The following C2CD2 variants were observed in gnomAD, a reference collection of about 807,000 sequenced individuals.
The protein encoded by C2CD2 is C2 domain-containing protein 2.
C2CD2 carries 43 observed loss-of-function variants against 74.3 expected under a neutral mutation model. The observed-to-expected ratio is 0.58, with a 90% CI of 0.45 to 0.75. The LOEUF (loss-of-function observed/expected upper bound fraction) is 0.75, where lower values mean the gene tolerates loss of function less well. Ranked by LOEUF, C2CD2 falls within the 30% of genes least tolerant of loss-of-function variation. C2CD2 has a pLI of 0.00. For synonymous variants in C2CD2, 422 were observed against 390.7 expected (o/e 1.08, Z -0.94); for missense variants, 801 against 916.3 (o/e 0.87, Z 1.63).
intron 12 of C2CD2, 23 bp downstream of exon 12, chr21:41,901,599 C>G (rs1454783902): frequency 6.2e-7 from 1 of 1,613,864 alleles, no homozygotes; most frequent in South Asian, 1.1e-5. Context: ...AGATGAACAC[C>G]TCCCCAGCCA....
At chr21:41,944,972 GA>G (rs2146231210) in intron 1 of C2CD2, among the ~76,000 whole-genome samples, 1 of 152,312 alleles carries the variant, frequency 6.6e-6, no homozygotes, top group African/African-American at 2.4e-5. Flanking sequence ...AAGGGGATGG[GA>G]AAAACACGGA....
intron 13 of C2CD2, among the ~76,000 whole-genome samples, chr21:41,898,679 C>G (rs1005775618): frequency 6.6e-6 from 1 of 152,152 alleles, no homozygotes; most frequent in African/African-American, 2.4e-5. Flanking sequence ...ATGTCCATAT[C>G]GGCAGTGGAA....
In C2CD2 at chr21:41,945,723, TCA is replaced by T. The variant is rs140906799; in HGVS notation, c.280-3480_280-3479del. 3.3e-5 allele frequency among the ~76,000 whole-genome samples: 5 copies of T among 152,312 alleles called. No homozygotes were observed. In the East Asian group the frequency reaches 9.6e-4, roughly 29 times the overall value. ...CATACTGTTCTCATATAGTGAGTTC[TCA>T]CAAGATCTGATGCTTTTCTAAGTGT... On this transcript the variant is annotated intron_variant, in intron 1 of 13. Coordinates refer to ENST00000380486, the MANE Select transcript of C2CD2 (RefSeq NM_015500.2). The surrounding 1 kb of genome is among the most constrained non-coding windows in gnomAD (Gnocchi z 4.2).
At position 41,895,757 on chromosome 21, in the gene C2CD2, C is replaced by CTA. The variant is rs1555899551; in HGVS notation, c.1870+3294_1870+3295dup. ...TTTCCAAATGTATTCCTATTTGTCT[C>CTA]TACAGAGTCTAACAGACATAAATAG... On this transcript the variant is annotated intron_variant, in intron 13 of 13. Coordinates refer to ENST00000380486, the MANE Select transcript of C2CD2 (RefSeq NM_015500.2). This position sits in a 1 kb window ranked among gnomAD's most constrained non-coding sequence, Gnocchi z 5.0. Among the ~76,000 whole-genome samples, 1 of 152,132 alleles carries CTA rather than the reference C, an allele frequency of 6.6e-6. No homozygotes were observed. The highest frequency in any genetic ancestry group is 2.4e-5 in the African/African-American group (1 of 41,426).
intron 2 of C2CD2, among the ~76,000 whole-genome samples, chr21:41,941,308 C>A (rs182216889): frequency 4.4e-4 from 67 of 152,290 alleles, no homozygotes; most frequent in Non-Finnish European, 8.4e-4. Context: ...GTACAGTAAG[C>A]TGATGCCCCT....
At chr21:41,904,342 C>T (rs984533413) in intron 11 of C2CD2, among the ~76,000 whole-genome samples, 59 of 152,288 alleles carry the variant, frequency 3.9e-4, no homozygotes, top group African/African-American at 1.4e-3. Context: ...GTAGAAAACT[C>T]GTGAATAATC....
At chr21:41,928,867 T>C (rs997673303) in intron 2 of C2CD2, among the ~76,000 whole-genome samples, 6 of 152,204 alleles carry the variant, frequency 3.9e-5, no homozygotes, top group Admixed American at 3.9e-4. Context: ...GCTGTGGTTT[T>C]ACAGATGCAA....
chr21:41,912,109 A>G (rs996051391), intron 7 of C2CD2: 3 of 489,120 alleles, frequency 6.1e-6, no homozygotes, highest in Non-Finnish European at 1.1e-5. Context: ...GCTCCCTCTC[A>G]TCATATCAGG....
intron 11 of C2CD2, 131 bp from the exon 12 acceptor site, chr21:41,901,880 T>C (rs912192086): frequency 4.4e-5 from 34 of 770,782 alleles, no homozygotes; most frequent in Non-Finnish European, 6.3e-5. Flanking sequence ...AAAGGGTCAA[T>C]TGTTTAGGCT....
At chr21:41,912,011 A>G (rs564252566) in intron 7 of C2CD2, 33 of 218,838 alleles carry the variant, frequency 1.5e-4, no homozygotes, top group African/African-American at 6.8e-4. Context: ...GCCTTTTTCT[A>G]TTTTCTTCGT....
At chr21:41,900,564 C>T (rs942207431) in intron 12 of C2CD2, among the ~76,000 whole-genome samples, 25 of 152,306 alleles carry the variant, frequency 1.6e-4, no homozygotes, top group Middle Eastern at 3.4e-3. Flanking sequence ...AAACACCACC[C>T]GCCTGCCTCT....
rs17177111 is a variant in C2CD2, at chr21:41,888,261, G to A, written c.*863C>T. ...TGTTTGGTTACTGTGTTCTACGAGC[G>A]GTCACGTATGGCTCCTGACTTCATC... is the stretch of plus-strand genomic sequence containing the variant. On this transcript the variant is annotated 3_prime_UTR_variant, in exon 14 of 14. Coordinates refer to ENST00000380486, the MANE Select transcript of C2CD2 (RefSeq NM_015500.2). 17,610 of 152,540 alleles carry A rather than the reference G, an allele frequency of 0.12. 1,235 individuals carry two copies. The highest frequency in any genetic ancestry group is 0.18 in the Middle Eastern group (54 of 294). The allele number at this position is 152,540 out of a possible 1,614,324, so 9.4% of individuals were successfully genotyped here.
chr21:41,928,666 T>C (rs905357351), intron 2 of C2CD2, among the ~76,000 whole-genome samples: 1 of 150,980 alleles, frequency 6.6e-6, no homozygotes, highest in African/African-American at 2.4e-5. Flanking sequence ...GCCCCCTGAG[T>C]TATGGACAGA....
chr21:41,887,290 T>C lies in C2CD2; in HGVS notation c.*1834A>G, dbSNP rs2064695307. The C allele has an allele frequency of 1.3e-5, 2 of 152,322 alleles. No homozygotes were observed. The highest frequency in any genetic ancestry group is 1.9e-4 in the East Asian group (1 of 5,194). The allele number at this position is 152,322 out of a possible 1,614,324, so 9.4% of individuals were successfully genotyped here. A position where few individuals can be genotyped will look rare whatever the true frequency, so the allele number is the denominator to read the frequency against. ...TGTTTTGAAACTCCAGGTGCTTTTT[T>C]TACAATGATTAAAACTGGAATATAA... On this transcript the variant is annotated 3_prime_UTR_variant, in exon 14 of 14. Transcript: ENST00000380486.
intron 2 of C2CD2, among the ~76,000 whole-genome samples, chr21:41,935,991 C>T (rs1187256319): frequency 6.7e-6 from 1 of 149,404 alleles, no homozygotes; most frequent in African/African-American, 2.4e-5. Flanking sequence ...AACTATAAAA[C>T]TACTAGAAAA....
intron 9 of C2CD2, 53 bp from the exon 10 acceptor site, chr21:41,907,219 G>T: frequency 7.0e-7 from 1 of 1,431,486 alleles, no homozygotes; most frequent in Non-Finnish European, 9.8e-7. Context: ...TGCCCAGGCT[G>T]ATCAGCCAGG....
Position 41,885,746 on chromosome 21 carries a change from T to G in C2CD2, c.*3378A>C, listed in dbSNP as rs118060196. 0.026 allele frequency: 3,946 copies of G among 152,538 alleles called. 80 individuals carry two copies. The highest frequency in any genetic ancestry group is 0.081 in the South Asian group (389 of 4,828). 9.4% of individuals were successfully genotyped at this position (152,538 alleles called of 1,614,324 possible). ...GCCTTCGGTGGCCAGCAGTGTAAAT[T>G]AATCTTTCCCTCTCTGCTCAAAGCA... On this transcript the variant is annotated 3_prime_UTR_variant, in exon 14 of 14. Coordinates refer to ENST00000380486, the MANE Select transcript of C2CD2 (RefSeq NM_015500.2).
intron 1 of C2CD2, among the ~76,000 whole-genome samples, chr21:41,952,277 A>C (rs1168536701): frequency 6.6e-6 from 1 of 152,248 alleles, no homozygotes; most frequent in Non-Finnish European, 1.5e-5. Flanking sequence ...ATGGCTGCTA[A>C]CTGATAGTCA....
At position 41,899,430 on chromosome 21, in the gene C2CD2, A is replaced by C; in HGVS notation, c.1561-68T>G. On this transcript the variant is annotated intron_variant, in intron 12 of 13. Transcript: ENST00000380486. The surrounding 1 kb of genome is among the most constrained non-coding windows in gnomAD (Gnocchi z 4.4). ...GAAGGGAGGGTTTGAAAAGAACTGA[A>C]AAGCACTCTCCAAAACATTCTGACA... The C allele has an allele frequency of 7.1e-7, 1 of 1,406,032 alleles. No homozygotes were observed. Among genetic ancestry groups the C allele is most frequent in the Non-Finnish European group, 9.8e-7 (1 of 1,022,554 alleles). 87.1% of individuals were successfully genotyped at this position (1,406,032 alleles called of 1,614,324 possible).
Sources: allele counts gnomAD v4.1 joint callset (sites outside exome capture counted in the v4.1 genomes callset), GRCh38; gene constraint gnomAD v4.1.1; non-coding constraint Gnocchi (gnomAD v3.1); transcripts MANE v1.5; gene names NCBI Gene and HGNC (gene_info 2026-07-23, HGNC 2026-07-21).